The following CFAP54 variants were observed in gnomAD, a reference collection of about 807,000 sequenced individuals.
CFAP54 encodes cilia and flagella associated protein 54.
A neutral mutation model predicts 370.4 loss-of-function variants in CFAP54; 290 were observed. The ratio of observed to expected loss-of-function variants is 0.78; its 90% CI spans 0.71 to 0.86. CFAP54 has a LOEUF of 0.86. Ranked by LOEUF, CFAP54 falls within the 40% of genes least tolerant of loss-of-function variation. The pLI, the probability that CFAP54 is intolerant of heterozygous loss-of-function variation, is 0.00. For synonymous variants in CFAP54, 1,206 were observed against 1,236.5 expected (o/e 0.98, Z 0.52); for missense variants, 3,399 against 3,528.7 (o/e 0.96, Z 0.93).
intron 45 of CFAP54, 80 bp from the exon 46 acceptor site, chr12:96,699,891 G>T: frequency 8.3e-7 from 1 of 1,210,454 alleles, no homozygotes; most frequent in Admixed American, 2.4e-5. Flanking sequence ...TCAGAAAGTT[G>T]ACGATTTTCT....
chr12:96,791,841 AT>A (rs1009863253), intron 62 of CFAP54, among the ~76,000 whole-genome samples: 80 of 141,578 alleles, frequency 5.7e-4, no homozygotes, highest in Non-Finnish European at 9.2e-4. Flanking sequence ...GTTCTGAAGC[AT>A]TTTTTTTTCT....
In CFAP54 at chr12:96,756,504, T is replaced by C; in HGVS notation, c.7887T>C (p.Phe2629=). 2.5e-6 allele frequency: 4 copies of C among 1,604,372 alleles called. No individual in the cohort carries two copies. The highest frequency in any genetic ancestry group is 1.7e-6 in the Non-Finnish European group (2 of 1,176,926). ...QILMEEKSPS[F]QLESLYEAIQ... ...TAATGGAAGAGAAATCTCCAAGTTT[T>C]CAACTTGAGAGTTTATATGAAGCTA... is the stretch of plus-strand genomic sequence containing the variant. Residue 2629 remains phenylalanine, a synonymous_variant, in exon 57 of 68, where the codon TTT becomes TTC. Transcript: ENST00000524981.
At chr12:96,581,460 A>G (rs1956032043) in intron 22 of CFAP54, among the ~76,000 whole-genome samples, 1 of 152,106 alleles carries the variant, frequency 6.6e-6, no homozygotes, top group African/African-American at 2.4e-5. Context: ...CAATGTCTAG[A>G]GAAATTTTCA....
intron 39 of CFAP54, among the ~76,000 whole-genome samples, chr12:96,670,474 A>G (rs1209585632): frequency 1.3e-5 from 2 of 152,218 alleles, no homozygotes; most frequent in African/African-American, 2.4e-5. Flanking sequence ...GACACAGGTC[A>G]TGTCTGTTGA....
In CFAP54 at chr12:96,786,754, G is replaced by A; in HGVS notation, c.8535G>A (p.Leu2845=). The A allele has an allele frequency of 6.5e-7, 1 of 1,535,900 alleles. No homozygotes were observed. Among genetic ancestry groups the A allele is most frequent in the African/African-American group, 1.4e-5 (1 of 73,132 alleles). The change falls in exon 62 of 68, where the codon TTG becomes TTA. Residue 2845 remains leucine, a synonymous_variant. Transcript: ENST00000524981. ...CCCTTTACAACTCTGAGTTGATTTT[G>A]CGCCAGAAAGAAGTGCATTTTTTCC... ...LTSLYNSELI[L]RQKEVHFFLK... is the part of the protein sequence containing the mutation.
chr12:96,805,057 A>G (rs1416246283), intron 63 of CFAP54, among the ~76,000 whole-genome samples: 1 of 152,164 alleles, frequency 6.6e-6, no homozygotes, highest in Non-Finnish European at 1.5e-5. Flanking sequence ...GAAGAATGAA[A>G]CTAGACCCAT....
chr12:96,858,511 A>G (rs1959778695), intron 66 of CFAP54, among the ~76,000 whole-genome samples: 1 of 152,122 alleles, frequency 6.6e-6, no homozygotes. Flanking sequence ...CCCACTTGCC[A>G]ATTTTTGCTT....
At chr12:96,598,814 G>T in intron 26 of CFAP54, 47 bp downstream of exon 26, 1 of 451,860 alleles carries the variant, frequency 2.2e-6, no homozygotes, top group South Asian at 5.3e-5. Context: ...TAGGAGCGAT[G>T]ATGATTTGGA....
At chr12:96,594,954 C>T (rs1356225545) in intron 25 of CFAP54, among the ~76,000 whole-genome samples, 1 of 152,068 alleles carries the variant, frequency 6.6e-6, no homozygotes, top group Non-Finnish European at 1.5e-5. Context: ...TGAAAGGACA[C>T]TCATTTACAT....
chr12:96,516,195 G>C (rs1384306423), intron 5 of CFAP54, among the ~76,000 whole-genome samples: 1 of 152,064 alleles, frequency 6.6e-6, no homozygotes, highest in African/African-American at 2.4e-5. Flanking sequence ...GATTACAGGT[G>C]TGAGCCACTG....
At position 96,550,752 on chromosome 12, in the gene CFAP54, G is replaced by A. The variant is rs550512334; in HGVS notation, c.2154+2774G>A. Reference sequence around the variant, plus strand: ...TGAGAAAGTTGGGTAAATCCCAGGGGCCAAAATAGAAAAGGGAACTGAAAA... The same window carrying A: ...TGAGAAAGTTGGGTAAATCCCAGGGACCAAAATAGAAAAGGGAACTGAAAA... On this transcript the variant is annotated intron_variant, in intron 15 of 67. Transcript: ENST00000524981. 2.0e-5 allele frequency among the ~76,000 whole-genome samples: 3 copies of A among 152,250 alleles called. No homozygotes were observed. The East Asian group carries it at 5.8e-4, about 29-fold the overall frequency.
chr12:96,684,716 A>G lies in CFAP54; in HGVS notation c.5785A>G (p.Ile1929Val), dbSNP rs1957305951. ...GTTGCATTCACTTGGAAGTCTTCTC[A>G]TCTTCGCAGAAAAGAAAAGGTAGAT... ...QALHSLGSLL[I>V]FAEKKRAAFK... The change falls in exon 41 of 68, where the codon ATC becomes GTC. Residue 1929 changes from isoleucine to valine, a missense_variant. Around this residue, in one of 3 missense-constraint regions of CFAP54, gnomAD observed 2,796 missense variants for 2,869.7 expected, o/e 0.97. Coordinates refer to ENST00000524981, the MANE Select transcript of CFAP54 (RefSeq NM_001306084.2). 1 of 1,611,874 alleles carries G rather than the reference A, an allele frequency of 6.2e-7. No individual in the cohort carries two copies. Among genetic ancestry groups the G allele is most frequent in the Non-Finnish European group, 8.5e-7 (1 of 1,179,324 alleles).
chr12:96,660,125 T>C lies in CFAP54; in HGVS notation c.5460+1779T>C, dbSNP rs138680993. 3.3e-3 allele frequency among the ~76,000 whole-genome samples: 504 copies of C among 152,236 alleles called. 3 individuals are homozygous for C. The highest frequency in any genetic ancestry group is 0.012 in the African/African-American group (490 of 41,526). On this transcript the variant is annotated intron_variant, in intron 38 of 67. Transcript: ENST00000524981. ...TTTAGTAAGGGTGATCTAGAAGACT[T>C]CTTGGAGATGATGGCATTTGATGAG...
In CFAP54 at chr12:96,507,057, G is replaced by A. The variant is rs781275824; in HGVS notation, c.697G>A (p.Val233Met). ...GTCCTCCTTAAGGCTCATCATGCAA[G>A]TGGCTCTGCCACAAGAGCATCTTTG... ...ILSSLRLIMQ[V>M]ALPQEHLCWI... The change falls in exon 4 of 68, where the codon GTG becomes ATG. Residue 233 changes from valine (V) to methionine (M), a missense_variant. Physicochemically the swap from Val to Met is conservative, Grantham distance 21 (BLOSUM62 1). Around this residue, in one of 3 missense-constraint regions of CFAP54, gnomAD observed 559 missense variants for 576.7 expected, o/e 0.97. Coordinates refer to ENST00000524981, the MANE Select transcript of CFAP54 (RefSeq NM_001306084.2). The A allele has an allele frequency of 1.3e-6, 2 of 1,534,696 alleles. No individual in the cohort carries two copies. Among genetic ancestry groups the A allele is most frequent in the South Asian group, 1.2e-5 (1 of 83,490 alleles).
At chr12:96,832,277 A>C (rs895733508) in intron 66 of CFAP54, among the ~76,000 whole-genome samples, 27 of 119,872 alleles carry the variant, frequency 2.3e-4, no homozygotes, top group Non-Finnish European at 3.2e-4. Flanking sequence ...TTTGTAAAAA[A>C]AAAAAATATA....
chr12:96,648,036 TTTATTA>T lies in CFAP54; in HGVS notation c.4690+23_4690+28del. 2 of 1,480,416 alleles carry T rather than the reference TTTATTA, an allele frequency of 1.4e-6. No individual in the cohort carries two copies. Among genetic ancestry groups the T allele is most frequent in the Non-Finnish European group, 1.8e-6 (2 of 1,123,826 alleles). 91.7% of individuals were successfully genotyped at this position (1,480,416 alleles called of 1,614,324 possible). A position where few individuals can be genotyped will look rare whatever the true frequency, so the allele number is the denominator to read the frequency against. ...CCATCAGGTAAAATAAACATGTTAG[TTTATTA>T]TTAAATTACCTCTAGATTTTTATTC... On this transcript the variant is annotated intron_variant, in intron 34 of 67. Transcript: ENST00000524981.
At chr12:96,673,425 T>C (rs1419854349) in intron 39 of CFAP54, among the ~76,000 whole-genome samples, 1 of 152,224 alleles carries the variant, frequency 6.6e-6, no homozygotes, top group African/African-American at 2.4e-5. Context: ...TCTGACTTAC[T>C]GTGATAGTGT....
At chr12:96,649,806 C>A in intron 34 of CFAP54, 85 bp from the exon 35 acceptor site, 2 of 782,976 alleles carry the variant, frequency 2.6e-6, no homozygotes, top group Admixed American at 3.1e-5. Context: ...ATCTGAATTA[C>A]TCACTTGATC....
chr12:96,708,515 C>A, intron 47 of CFAP54, 93 bp from the exon 48 acceptor site: 2 of 1,125,288 alleles, frequency 1.8e-6, no homozygotes, highest in Non-Finnish European at 2.5e-6. Context: ...TCCCTTCATC[C>A]AACACCAAAT....
Sources: allele counts gnomAD v4.1 joint callset (sites outside exome capture counted in the v4.1 genomes callset), GRCh38; gene constraint gnomAD v4.1.1; regional missense constraint gnomAD v4.1.1; transcripts MANE v1.5; gene names NCBI Gene and HGNC (gene_info 2026-07-23, HGNC 2026-07-21).